The following SPAG16 variants were observed in gnomAD, a reference collection of about 807,000 sequenced individuals.
The protein encoded by SPAG16 is sperm associated antigen 16, also known as sperm-associated antigen 16 protein.
In SPAG16, 86 loss-of-function variants were observed where a neutral mutation model predicts 80.4. That is an observed-to-expected ratio of 1.07 (90% CI 0.90 to 1.28). The LOEUF is 1.28. Among genes scored for constraint, SPAG16 ranks in the 50% most tolerant of loss-of-function variants. The probability of loss-of-function intolerance (pLI) is 0.00; values close to 1 mark genes in which losing one functional copy is unlikely to be tolerated. For synonymous variants in SPAG16, 294 were observed against 265.9 expected, an observed-to-expected ratio of 1.11 and a Z score of -1.03; for missense variants, 870 against 765.3, an observed-to-expected ratio of 1.14 and a Z score of -1.61.
intron 15 of SPAG16, among the ~76,000 whole-genome samples, chr2:214,185,669 C>G (rs1272051104): frequency 6.6e-6 from 1 of 152,050 alleles, no homozygotes; most frequent in Non-Finnish European, 1.5e-5. Flanking sequence ...ACAGAGCAAG[C>G]AAAACTTGCA....
intron 10 of SPAG16, among the ~76,000 whole-genome samples, chr2:213,739,745 G>T (rs1022066083): frequency 3.3e-5 from 5 of 152,114 alleles, no homozygotes; most frequent in Non-Finnish European, 7.4e-5. Flanking sequence ...GGGACCACAG[G>T]CATGGGCCAC....
chr2:213,733,191 A>G (rs939036090), intron 10 of SPAG16, among the ~76,000 whole-genome samples: 1 of 148,986 alleles, frequency 6.7e-6, no homozygotes, highest in African/African-American at 2.5e-5. Flanking sequence ...TAAAGGGTTC[A>G]TGTCCTTCAC....
intron 10 of SPAG16, among the ~76,000 whole-genome samples, chr2:213,849,971 A>G (rs1474712757): frequency 1.3e-5 from 2 of 152,204 alleles, no homozygotes; most frequent in African/African-American, 4.8e-5. Context: ...TGATTTAGTA[A>G]CATGAAGCAC....
chr2:213,447,407 G>C (rs533796391), intron 9 of SPAG16, among the ~76,000 whole-genome samples: 4 of 152,302 alleles, frequency 2.6e-5, no homozygotes, highest in African/African-American at 9.6e-5. Context: ...TTTTCTGTCT[G>C]TTATCCCCAG....
intron 10 of SPAG16, among the ~76,000 whole-genome samples, chr2:213,597,950 C>T (rs941411889): frequency 6.6e-6 from 1 of 152,128 alleles, no homozygotes; most frequent in African/African-American, 2.4e-5. Flanking sequence ...GAGAATCTGG[C>T]ACATTTAAAA....
At chr2:213,357,382 T>G (rs2065718777) in intron 7 of SPAG16, among the ~76,000 whole-genome samples, 1 of 152,176 alleles carries the variant, frequency 6.6e-6, no homozygotes, top group South Asian at 2.1e-4. Context: ...TATTATTGTG[T>G]GGGAGTCTAA....
At chr2:214,303,738 G>T (rs1173704483) in intron 15 of SPAG16, among the ~76,000 whole-genome samples, 1 of 151,962 alleles carries the variant, frequency 6.6e-6, no homozygotes, top group African/African-American at 2.4e-5. Flanking sequence ...TCTCCCTCAG[G>T]AATGCTTATA....
intron 15 of SPAG16, among the ~76,000 whole-genome samples, chr2:214,364,399 G>A (rs1699359324): frequency 6.6e-6 from 1 of 152,066 alleles, no homozygotes; most frequent in Non-Finnish European, 1.5e-5. Flanking sequence ...ACTCCTCTGT[G>A]TTCCCATAGT....
chr2:213,477,471 G>T (rs2125683555), intron 9 of SPAG16, among the ~76,000 whole-genome samples: 1 of 152,336 alleles, frequency 6.6e-6, no homozygotes, highest in East Asian at 1.9e-4. Flanking sequence ...GAATGGAGCT[G>T]CCCAAGGCCA....
Position 213,529,208 on chromosome 2 carries a change from A to G in SPAG16, c.1070+39118A>G, listed in dbSNP as rs2075985937. Among the ~76,000 whole-genome samples the G allele has an allele frequency of 1.3e-5, 2 of 152,182 alleles. 1 individual carries two copies. Among genetic ancestry groups the G allele is most frequent in the Non-Finnish European group, 2.9e-5 (2 of 68,026 alleles). ...AGTTACTAAACTGTAGGATGTTTAAAATGTTTTTAACATGATCAATGCAGT... is the reference window on the plus strand; with the variant it reads ...AGTTACTAAACTGTAGGATGTTTAAGATGTTTTTAACATGATCAATGCAGT... On this transcript the variant is annotated intron_variant, in intron 10 of 15. Coordinates refer to ENST00000331683, the MANE Select transcript of SPAG16 (RefSeq NM_024532.5).
intron 15 of SPAG16, among the ~76,000 whole-genome samples, chr2:214,316,431 G>A (rs1226097180): frequency 6.6e-6 from 1 of 152,068 alleles, no homozygotes; most frequent in African/African-American, 2.4e-5. Flanking sequence ...TTTTTATTTA[G>A]GGACAGAGCC....
At chr2:213,641,662 C>G (rs1425283050) in intron 10 of SPAG16, among the ~76,000 whole-genome samples, 1 of 152,180 alleles carries the variant, frequency 6.6e-6, no homozygotes, top group African/African-American at 2.4e-5. Flanking sequence ...TTTTACTTGG[C>G]TCTCTAATTT....
chr2:213,964,966 G>A, intron 12 of SPAG16, among the ~76,000 whole-genome samples: 1 of 152,182 alleles, frequency 6.6e-6, no homozygotes, highest in South Asian at 2.1e-4. Context: ...TGGCTGATAA[G>A]TACAATATTT....
rs113967984 is a variant in SPAG16 at position 214,323,059 on chromosome 2, C to G, written c.1721-87081C>G. 6.0e-4 allele frequency among the ~76,000 whole-genome samples: 91 copies of G among 152,316 alleles called. 1 individual carries two copies. The Middle Eastern group carries it at 0.01, about 17-fold the overall frequency. The stretch of plus-strand genomic sequence containing the variant: ...TTCATCTAAAGGAATTTATTCTGCA[C>G]TTTGTTGCTTATTCTCTACTGCTGT... On this transcript the variant is annotated intron_variant, in intron 15 of 15. Transcript: ENST00000331683.
At chr2:213,817,923 A>T (rs750842634) in intron 10 of SPAG16, among the ~76,000 whole-genome samples, 11 of 152,176 alleles carry the variant, frequency 7.2e-5, no homozygotes, top group Non-Finnish European at 4.4e-5. Flanking sequence ...AGCATCACAC[A>T]ATATACCCAT....
At chr2:213,538,765 G>T (rs2076332332) in intron 10 of SPAG16, among the ~76,000 whole-genome samples, 1 of 151,846 alleles carries the variant, frequency 6.6e-6, no homozygotes, top group South Asian at 2.1e-4. Flanking sequence ...CCATTCACAG[G>T]GTTAGGATTA....
intron 9 of SPAG16, among the ~76,000 whole-genome samples, chr2:213,488,209 A>T (rs1316771991): frequency 2.0e-5 from 3 of 152,174 alleles, no homozygotes; most frequent in African/African-American, 7.2e-5. Context: ...TTCAAAGGAA[A>T]TAACTATTGA....
chr2:214,206,607 A>G (rs893493887), intron 15 of SPAG16, among the ~76,000 whole-genome samples: 5 of 152,168 alleles, frequency 3.3e-5, no homozygotes, highest in African/African-American at 1.2e-4. Flanking sequence ...TCTTCAATAT[A>G]CATATTTCCC....
At chr2:213,373,703 C>T (rs182427529) in intron 8 of SPAG16, among the ~76,000 whole-genome samples, 1 of 152,026 alleles carries the variant, frequency 6.6e-6, no homozygotes, top group African/African-American at 2.4e-5. Flanking sequence ...CTTTTCTTTC[C>T]TCTGATATTA....
Sources: allele counts gnomAD v4.1 joint callset (sites outside exome capture counted in the v4.1 genomes callset), GRCh38; gene constraint gnomAD v4.1.1; transcripts MANE v1.5; gene names NCBI Gene and HGNC (gene_info 2026-07-23, HGNC 2026-07-21).